The following CLVS1 variants were observed in gnomAD, a reference collection of about 807,000 sequenced individuals.
CLVS1 encodes clavesin 1.
Under a neutral mutation model 33.1 loss-of-function variants are expected in CLVS1, and 10 were observed. The observed-to-expected ratio is 0.30, with a 90% confidence interval of 0.19 to 0.51. The LOEUF (loss-of-function observed/expected upper bound fraction) is 0.51. Among genes scored for constraint, CLVS1 ranks in the 20% least tolerant of loss-of-function variants. The pLI is 0.97. For synonymous variants in CLVS1, 163 were observed against 166.1 expected (o/e 0.98, Z 0.14); for missense variants, 343 against 433.4 (o/e 0.79, Z 1.85).
intron 1 of CLVS1, among the ~76,000 whole-genome samples, chr8:61,072,506 T>G (rs1264365686): frequency 6.6e-6 from 1 of 152,238 alleles, no homozygotes; most frequent in African/African-American, 2.4e-5. Context: ...ATTCTCTTAT[T>G]CCAAGCATGC....
At chr8:61,132,396 G>A (rs1000433474) in intron 2 of CLVS1, among the ~76,000 whole-genome samples, 2 of 152,198 alleles carry the variant, frequency 1.3e-5, no homozygotes, top group Non-Finnish European at 2.9e-5. Context: ...AGCACCCGGG[G>A]CTGGAGAGAC....
chr8:61,285,450 C>T (rs926046100), upstream of CLVS1, among the ~76,000 whole-genome samples: 1 of 152,146 alleles, frequency 6.6e-6, no homozygotes, highest in Admixed American at 6.6e-5. Context: ...GCTTGACCTC[C>T]ATTTCAGCTC....
chr8:61,019,574 C>T, the CLVS1 span, among the ~76,000 whole-genome samples: 1 of 152,158 alleles, frequency 6.6e-6, no homozygotes. Flanking sequence ...TTGAGACCAG[C>T]TGTTTACTCT....
At chr8:61,484,055 C>G (rs1803771304) in intron 5 of CLVS1, among the ~76,000 whole-genome samples, 1 of 152,168 alleles carries the variant, frequency 6.6e-6, no homozygotes, top group Non-Finnish European at 1.5e-5. Flanking sequence ...CCCTCTCTCA[C>G]CACTCCTATT....
intron 3 of CLVS1, among the ~76,000 whole-genome samples, chr8:61,430,164 CAAATA>C (rs1226575339): frequency 6.6e-6 from 1 of 152,120 alleles, no homozygotes; most frequent in Non-Finnish European, 1.5e-5. Context: ...ATGAAATACA[CAAATA>C]AGTGTGTCAA....
rs1030659071 is a variant in CLVS1, at chr8:61,219,735, C to T, written c.-151-79942C>T. The stretch of plus-strand genomic sequence containing the variant: ...TGAGGAATTGTCATACTGTCTTCCA[C>T]GATGGTTGAACTAATTTACATTACC... On this transcript the variant is annotated intron_variant, in intron 2 of 2. Coordinates refer to the CLVS1 transcript ENST00000522621. 2.6e-5 allele frequency among the ~76,000 whole-genome samples: 4 copies of T among 152,294 alleles called. No individual in the cohort carries two copies. In the South Asian group the frequency reaches 8.3e-4, roughly 32 times the overall value.
At chr8:61,181,624 C>T (rs961156697) in intron 2 of CLVS1, among the ~76,000 whole-genome samples, 1 of 150,782 alleles carries the variant, frequency 6.6e-6, no homozygotes, top group South Asian at 2.1e-4. Context: ...GTACTGGTAC[C>T]AAAACAGACA....
At chr8:61,179,650 C>T in intron 2 of CLVS1, among the ~76,000 whole-genome samples, 1 of 152,136 alleles carries the variant, frequency 6.6e-6, no homozygotes, top group East Asian at 1.9e-4. Context: ...GTGTCTCAGA[C>T]CACAGTGCAA....
At chr8:61,340,678 C>A (rs1191124822) in intron 2 of CLVS1, among the ~76,000 whole-genome samples, 1 of 152,166 alleles carries the variant, frequency 6.6e-6, no homozygotes, top group Admixed American at 6.5e-5. Flanking sequence ...ATACTGACTG[C>A]ATGTCTTTGG....
At position 61,303,992 on chromosome 8, in the gene CLVS1, A is replaced by G. The variant is rs1168475131; in HGVS notation, c.455+3710A>G. Among the ~76,000 whole-genome samples the G allele has an allele frequency of 2.0e-5, 3 of 152,338 alleles. No homozygotes were observed. In the South Asian group the frequency reaches 6.2e-4, roughly 32 times the overall value. The stretch of plus-strand genomic sequence containing the variant: ...AATTGGAATGGGGCAATGAATGTGA[A>G]CTACGGCATGCCCATCCTAAGCACC... On this transcript the variant is annotated intron_variant, in intron 2 of 5. Transcript: ENST00000325897.
rs141868397 is a variant in CLVS1 at position 61,209,698 on chromosome 8, G to A, written c.-152+77838G>A. Among the ~76,000 whole-genome samples the A allele has an allele frequency of 4.2e-3, 623 of 147,584 alleles. 4 individuals carry two copies. The highest frequency in any genetic ancestry group is 0.015 in the African/African-American group (577 of 39,648). ...AGGAAAGAGAAGATTTAAGGAAAAGGTGATTGGCTTACTTTTGCACATGGA... is the reference window on the plus strand; with the variant it reads ...AGGAAAGAGAAGATTTAAGGAAAAGATGATTGGCTTACTTTTGCACATGGA... On this transcript the variant is annotated intron_variant, in intron 2 of 2. Transcript: ENST00000522621.
intron 3 of CLVS1, among the ~76,000 whole-genome samples, chr8:61,448,746 A>G (rs549495604): frequency 6.6e-6 from 1 of 150,928 alleles, no homozygotes; most frequent in Admixed American, 6.6e-5. Flanking sequence ...TCTTTTTTCT[A>G]TTTTATATTT....
At chr8:61,468,304 T>C (rs990180742) in intron 5 of CLVS1, among the ~76,000 whole-genome samples, 9 of 152,206 alleles carry the variant, frequency 5.9e-5, no homozygotes, top group African/African-American at 1.4e-4. Flanking sequence ...AATATTTTAG[T>C]TTAAAAAATA....
chr8:61,075,154 G>A (rs1473555318), intron 1 of CLVS1, among the ~76,000 whole-genome samples: 1 of 152,190 alleles, frequency 6.6e-6, no homozygotes, highest in Admixed American at 6.5e-5. Flanking sequence ...GGAATGGGGG[G>A]CACTGTGGAC....
At chr8:61,056,023 T>G (rs1276258417), upstream of CLVS1, among the ~76,000 whole-genome samples, 1 of 152,238 alleles carries the variant, frequency 6.6e-6, no homozygotes, top group Non-Finnish European at 1.5e-5. Context: ...GGCTTTATGG[T>G]GCACACTTGG....
chr8:60,990,079 C>G, the CLVS1 span, among the ~76,000 whole-genome samples: 1 of 132,892 alleles, frequency 7.5e-6, no homozygotes, highest in African/African-American at 2.8e-5. Flanking sequence ...GAGCCGAGAT[C>G]GCGTCACTGC....
intron 2 of CLVS1, among the ~76,000 whole-genome samples, chr8:61,356,106 C>A (rs951921362): frequency 6.6e-5 from 10 of 151,948 alleles, no homozygotes; most frequent in Non-Finnish European, 1.5e-4. Flanking sequence ...GATTGCCATT[C>A]TAACTGGTGT....
rs762036521 is a variant in CLVS1 at position 61,498,069 on chromosome 8, C to T, written c.978-1386C>T. Among the ~76,000 whole-genome samples, 512 of 152,318 alleles carry T rather than the reference C, an allele frequency of 3.4e-3. 7 individuals carry two copies. Among genetic ancestry groups the T allele is most frequent in the Non-Finnish European group, 3.2e-3 (220 of 68,036 alleles). ...GCTAACCTCCTATCTCATTCTGTGACTAAGAATGCCTTAACCTTCTGGGAA... is the reference window on the plus strand; with the variant it reads ...GCTAACCTCCTATCTCATTCTGTGATTAAGAATGCCTTAACCTTCTGGGAA... On this transcript the variant is annotated intron_variant, in intron 5 of 5. Coordinates refer to ENST00000325897, the MANE Select transcript of CLVS1 (RefSeq NM_173519.3).
At chr8:61,312,484 T>TAA (rs1810863128) in intron 2 of CLVS1, among the ~76,000 whole-genome samples, 3 of 152,212 alleles carry the variant, frequency 2.0e-5, no homozygotes. Flanking sequence ...GATGTGTTGT[T>TAA]TTTTCTTTGC....
Sources: allele counts gnomAD v4.1 joint callset (sites outside exome capture counted in the v4.1 genomes callset), GRCh38; gene constraint gnomAD v4.1.1; transcripts MANE v1.5; gene names NCBI Gene and HGNC (gene_info 2026-07-23, HGNC 2026-07-21).